The following EML5 variants were observed in gnomAD, a reference collection of about 807,000 sequenced individuals.
EML5 encodes EMAP like 5.
Under a neutral mutation model 250.0 loss-of-function variants are expected in EML5, and 120 were observed. The ratio of observed to expected loss-of-function variants is 0.48; its 90% CI spans 0.41 to 0.56. EML5 has a LOEUF of 0.56. Among genes scored for constraint, EML5 ranks in the 20% least tolerant of loss-of-function variants. EML5 has a pLI of 0.00. For missense variants in EML5, 2,006 were observed against 2,437.6 expected (o/e 0.82, Z 3.73); for synonymous variants, 771 against 806.5 (o/e 0.96, Z 0.75).
At chr14:88,738,693 C>A (rs545850795) in intron 6 of EML5, among the ~76,000 whole-genome samples, 186 bp downstream of exon 6, 3 of 152,048 alleles carry the variant, frequency 2.0e-5, no homozygotes, top group Admixed American at 1.3e-4. Context: ...AACAATGAAC[C>A]TAAACTCTTT....
intron 8 of EML5, among the ~76,000 whole-genome samples, chr14:88,718,656 G>A (rs144940144): frequency 3.0e-4 from 45 of 152,288 alleles, no homozygotes; most frequent in Non-Finnish European, 5.1e-4. Context: ...AAGGCATATA[G>A]GAATGAGGAT....
At chr14:88,726,487 T>C (rs1278252745) in intron 8 of EML5, 54 bp downstream of exon 8, 6 of 1,467,838 alleles carry the variant, frequency 4.1e-6, no homozygotes, top group East Asian at 4.8e-5. Context: ...AAATTACTTA[T>C]ATTCTGTATC....
At chr14:88,628,522 C>A (rs1244343504) in intron 33 of EML5, among the ~76,000 whole-genome samples, 2 of 151,874 alleles carry the variant, frequency 1.3e-5, no homozygotes, top group African/African-American at 4.8e-5. Context: ...TTTATATTTT[C>A]TTTTTTATGA....
intron 21 of EML5, 113 bp from the exon 22 acceptor site, chr14:88,665,602 G>A (rs2092283765): frequency 1.4e-6 from 2 of 1,406,168 alleles, no homozygotes; most frequent in Admixed American, 2.3e-5. Flanking sequence ...TGAGGCAGGA[G>A]GACTGCCCGC....
At position 88,740,588 on chromosome 14, in the gene EML5, T is replaced by C. The variant is rs374597557; in HGVS notation, c.526-16A>G. Reference sequence around the variant, plus strand: ...AACTCCAGAACTAAAAGGTATATAGTATAATCAAATTACCAAAGAATTCTT... The same window carrying C: ...AACTCCAGAACTAAAAGGTATATAGCATAATCAAATTACCAAAGAATTCTT... On this transcript the variant is annotated splice_polypyrimidine_tract_variant and intron_variant, in intron 4 of 43. Transcript: ENST00000554922. 3.5e-5 allele frequency: 53 copies of C among 1,532,158 alleles called. No homozygotes were observed. Among genetic ancestry groups the C allele is most frequent in the Middle Eastern group, 3.5e-4 (2 of 5,714 alleles). 94.9% of individuals were successfully genotyped at this position (1,532,158 alleles called of 1,614,324 possible). A position where few individuals can be genotyped will look rare whatever the true frequency, so the allele number is the denominator to read the frequency against.
chr14:88,618,140 T>C, intron 41 of EML5, 88 bp downstream of exon 41: 1 of 1,072,192 alleles, frequency 9.3e-7, no homozygotes, highest in Non-Finnish European at 1.4e-6. Context: ...TACTATTCCT[T>C]ATTGGAATGG....
At chr14:88,630,177 C>T (rs778556437) in intron 33 of EML5, among the ~76,000 whole-genome samples, 3 of 151,546 alleles carry the variant, frequency 2.0e-5, no homozygotes, top group Non-Finnish European at 4.4e-5. Context: ...ATTACAGGCA[C>T]CTGCCACCAT....
chr14:88,736,309 T>C, intron 7 of EML5, 55 bp downstream of exon 7: 1 of 1,591,496 alleles, frequency 6.3e-7, no homozygotes, highest in Non-Finnish European at 8.6e-7. Flanking sequence ...ATGTTTTCTT[T>C]ATGTTTATCT....
chr14:88,654,326 G>T (rs1250654142), intron 27 of EML5, among the ~76,000 whole-genome samples: 1 of 152,044 alleles, frequency 6.6e-6, no homozygotes, highest in Non-Finnish European at 1.5e-5. Flanking sequence ...ACTAGCTTTT[G>T]AATTTGTTTG....
chr14:88,643,776 A>G (rs1192227011), intron 30 of EML5, among the ~76,000 whole-genome samples: 1 of 152,240 alleles, frequency 6.6e-6, no homozygotes, highest in Non-Finnish European at 1.5e-5. Flanking sequence ...CTGACAATTC[A>G]TGCTAAAGTT....
chr14:88,783,780 T>C (rs915307982), intron 1 of EML5, among the ~76,000 whole-genome samples: 1 of 152,108 alleles, frequency 6.6e-6, no homozygotes, highest in African/African-American at 2.4e-5. Context: ...CACAGAAACA[T>C]CTGACTTAAT....
intron 1 of EML5, among the ~76,000 whole-genome samples, chr14:88,768,098 T>G (rs900697054): frequency 3.9e-5 from 6 of 152,230 alleles, no homozygotes; most frequent in African/African-American, 1.4e-4. Context: ...TCATGGTTTC[T>G]CATGATTAAA....
intron 33 of EML5, among the ~76,000 whole-genome samples, chr14:88,629,222 T>C (rs1011618813): frequency 6.6e-6 from 1 of 152,094 alleles, no homozygotes; most frequent in African/African-American, 2.4e-5. Context: ...AGGTAGACAA[T>C]AGATTTTCAA....
At chr14:88,772,343 G>A (rs2094401543) in intron 1 of EML5, among the ~76,000 whole-genome samples, 1 of 152,148 alleles carries the variant, frequency 6.6e-6, no homozygotes, top group Admixed American at 6.5e-5. Context: ...AACATAGCCA[G>A]GTGATCTTTA....
intron 23 of EML5, 132 bp from the exon 24 acceptor site, chr14:88,663,251 T>G (rs1378002026): frequency 2.6e-5 from 13 of 494,508 alleles, no homozygotes; most frequent in Non-Finnish European, 3.7e-5. Flanking sequence ...GCAGTCAACT[T>G]ATAGTAAGAA....
chr14:88,638,723 A>C (rs950816372), intron 32 of EML5, 86 bp downstream of exon 32: 4 of 1,125,360 alleles, frequency 3.6e-6, no homozygotes, highest in Non-Finnish European at 5.1e-6. Context: ...TAAATCAATA[A>C]AATTTTGATT....
chr14:88,626,948 G>T lies in EML5; in HGVS notation c.4630C>A (p.His1544Asn), dbSNP rs1371129294. Reference protein sequence around the residue: ...DTQFVSVGVKHVKFWTLAGRA... With the variant: ...DTQFVSVGVKNVKFWTLAGRA... ...CCTGCCAGGGTCCAGAACTTCACAT[G>T]TTTTACTCCCACTGAGACAAACTGG... Residue 1544 changes from histidine (H) to asparagine (N), a missense_variant, in exon 35 of 44, where the codon CAT (histidine) becomes AAT (asparagine). By Grantham distance (68) the His-to-Asn change is moderately conservative. This residue lies in a region of EML5 where 405 missense variants were observed against 523.3 expected (regional missense o/e 0.77). Transcript: ENST00000554922. The T allele has an allele frequency of 1.9e-6, 3 of 1,613,916 alleles. No homozygotes were observed. The South Asian group carries it at 3.3e-5, about 18-fold the overall frequency.
chr14:88,616,139 A>G lies in EML5; in HGVS notation c.5897+3T>C, dbSNP rs1595173415. On this transcript the variant is annotated splice_donor_region_variant and intron_variant, in intron 43 of 43. Coordinates refer to ENST00000554922, the MANE Select transcript of EML5 (RefSeq NM_183387.3). ...CTCTTCATGGGCTGAGAAAGTTACTAACCTGCAGTCATCACCTCCAGCACT... is the reference window on the plus strand; with the variant it reads ...CTCTTCATGGGCTGAGAAAGTTACTGACCTGCAGTCATCACCTCCAGCACT... The G allele has an allele frequency of 6.2e-7, 1 of 1,613,706 alleles. No homozygotes were observed. Among genetic ancestry groups the G allele is most frequent in the African/African-American group, 1.3e-5 (1 of 75,044 alleles).
intron 17 of EML5, among the ~76,000 whole-genome samples, chr14:88,691,823 T>C (rs188224995): frequency 2.9e-4 from 44 of 152,338 alleles, no homozygotes; most frequent in Admixed American, 2.1e-3. Flanking sequence ...GTAAGGAAGG[T>C]TGAAATGCTC....
Sources: allele counts gnomAD v4.1 joint callset (sites outside exome capture counted in the v4.1 genomes callset), GRCh38; gene constraint gnomAD v4.1.1; regional missense constraint gnomAD v4.1.1; transcripts MANE v1.5; gene names NCBI Gene and HGNC (gene_info 2026-07-23, HGNC 2026-07-21).